Variants in DLEC1 observed in about 807,000 individuals in gnomAD.
The protein encoded by DLEC1 is DLEC1 cilia and flagella associated protein, also known as deleted in lung and esophageal cancer protein 1.
DLEC1 carries 146 observed loss-of-function variants against 198.1 expected under a neutral mutation model. The observed-to-expected ratio is 0.74, with a 90% confidence interval of 0.64 to 0.85. The LOEUF is 0.85. Among genes scored for constraint, DLEC1 ranks in the 40% least tolerant of loss-of-function variants. The pLI is 0.00. For synonymous variants in DLEC1, 897 were observed against 866.8 expected (o/e 1.03, Z -0.61); for missense variants, 2,233 against 2,220.0 (o/e 1.01, Z -0.12).
Position 38,096,748 on chromosome 3 carries a change from G to A in DLEC1, c.2340+11G>A. On this transcript the variant is annotated intron_variant, in intron 15 of 36. Coordinates refer to ENST00000308059, the MANE Select transcript of DLEC1 (RefSeq NM_007335.4). ...AAGAAGGCTTTTAAGGTAGGTCATT[G>A]TCTCTCCCCTGCCTAGGCTGGCCGA... 6.3e-7 allele frequency: 1 copy of A among 1,598,996 alleles called. No individual in the cohort carries two copies. Among genetic ancestry groups the A allele is most frequent in the Non-Finnish European group, 8.5e-7 (1 of 1,172,338 alleles).
chr3:38,082,417 C>G (rs564737872), intron 6 of DLEC1, among the ~76,000 whole-genome samples: 1 of 151,744 alleles, frequency 6.6e-6, no homozygotes. Context: ...AGGCTGCAAT[C>G]TCGGCACTTT....
At chr3:38,095,607 G>A (rs755879789) in intron 13 of DLEC1, 28 of 448,582 alleles carry the variant, frequency 6.2e-5, no homozygotes, top group Non-Finnish European at 1.1e-4. Flanking sequence ...AGGGTGTGGT[G>A]CTTCGGACAC....
chr3:38,089,874 C>T (rs1445941997), intron 10 of DLEC1, among the ~76,000 whole-genome samples: 1 of 152,108 alleles, frequency 6.6e-6, no homozygotes, highest in Non-Finnish European at 1.5e-5. Flanking sequence ...AATACATTTG[C>T]ATGATTAAAA....
chr3:38,112,184 C>T lies in DLEC1; in HGVS notation c.3515-26C>T, dbSNP rs764492798. On this transcript the variant is annotated intron_variant, in intron 24 of 36. Transcript: ENST00000308059. The surrounding 1 kb of genome is among the most constrained non-coding windows in gnomAD (Gnocchi z 4.8). ...CACTCCCAACCCCAGGCCCGTGAAT[C>T]CCCCACAGTCGCGGTTCTTTCCCAG... The T allele has an allele frequency of 8.1e-6, 13 of 1,613,640 alleles. No individual in the cohort carries two copies. The South Asian group carries it at 1.2e-4, about 15-fold the overall frequency.
At chr3:38,039,823 AATACCACAC>A (rs1163217747) in intron 1 of DLEC1, among the ~76,000 whole-genome samples, 187 bp downstream of exon 1, 1 of 152,206 alleles carries the variant, frequency 6.6e-6, no homozygotes, top group African/African-American at 2.4e-5. Context: ...CACATGCGCA[AATACCACAC>A]ATACCACACA....
chr3:38,117,631 C>G lies in DLEC1; in HGVS notation c.4485+20C>G, dbSNP rs370931756. The G allele has an allele frequency of 4.1e-5, 66 of 1,614,022 alleles. No homozygotes were observed. The African/African-American group carries it at 7.9e-4, about 19-fold the overall frequency. ...TCTGGGGTGAGTGTGCTGCCACCCTCTGGCCCTGCCAGCTTACCTGGACCT... is the reference window on the plus strand; with the variant it reads ...TCTGGGGTGAGTGTGCTGCCACCCTGTGGCCCTGCCAGCTTACCTGGACCT... On this transcript the variant is annotated intron_variant, in intron 32 of 36. Coordinates refer to ENST00000308059, the MANE Select transcript of DLEC1 (RefSeq NM_007335.4).
In DLEC1 at chr3:38,097,881, C is replaced by T. The variant is rs1278255072; in HGVS notation, c.2703C>T (p.Ser901=). The T allele has an allele frequency of 1.9e-6, 3 of 1,614,124 alleles. No individual in the cohort carries two copies. Among genetic ancestry groups the T allele is most frequent in the Non-Finnish European group, 2.5e-6 (3 of 1,180,060 alleles). Residue 901 remains serine, a synonymous_variant, in exon 18 of 37, where the codon TCC becomes TCT. Coordinates refer to ENST00000308059, the MANE Select transcript of DLEC1 (RefSeq NM_007335.4). ...ATWRMKESPV[S]LQERPEDVSP... ...GGCGCATGAAGGAGAGCCCAGTCTC[C>T]CTCCAGGAAAGGCCTGAGGATGTAA...
At chr3:38,099,799 A>G (rs1699213955) in intron 18 of DLEC1, among the ~76,000 whole-genome samples, 1 of 150,976 alleles carries the variant, frequency 6.6e-6, no homozygotes, top group African/African-American at 2.4e-5. Context: ...GGGCGGGTAA[A>G]TGAGGCTGAG....
intron 6 of DLEC1, among the ~76,000 whole-genome samples, chr3:38,082,349 C>T (rs1184807227): frequency 2.8e-5 from 4 of 142,278 alleles, no homozygotes; most frequent in African/African-American, 7.9e-5. Flanking sequence ...ACATCCCAGA[C>T]GATGGGCGGC....
intron 1 of DLEC1, among the ~76,000 whole-genome samples, chr3:38,041,223 C>T (rs567900487): frequency 1.3e-5 from 2 of 151,976 alleles, no homozygotes; most frequent in East Asian, 1.9e-4. Context: ...AGGATGGTCT[C>T]GATCTCCTGA....
chr3:38,043,329 A>G (rs567285430), intron 1 of DLEC1, among the ~76,000 whole-genome samples: 16 of 152,352 alleles, frequency 1.1e-4, no homozygotes, highest in African/African-American at 3.8e-4. Flanking sequence ...ACAACATGGT[A>G]AGCCCTCAGT....
chr3:38,086,254 G>A lies in DLEC1; in HGVS notation c.1449G>A (p.Leu483=), dbSNP rs1698448063. The change falls in exon 9 of 37, where the codon TTG becomes TTA. Residue 483 remains leucine (L), a synonymous_variant. Transcript: ENST00000308059. ...PPPVLTLSPV[L]DCGYCLIGGV... ...CTGTGGCTACAGTGTCACCGGTGTTGGACTGTGGTTACTGCCTCATTGGGG... is the reference window on the plus strand; with the variant it reads ...CTGTGGCTACAGTGTCACCGGTGTTAGACTGTGGTTACTGCCTCATTGGGG... 1.9e-6 allele frequency: 3 copies of A among 1,612,122 alleles called. No individual in the cohort carries two copies. Among genetic ancestry groups the A allele is most frequent in the Non-Finnish European group, 2.5e-6 (3 of 1,179,010 alleles).
Position 38,062,499 on chromosome 3 carries a change from A to G in DLEC1, c.874-82A>G, listed in dbSNP as rs146192252. On this transcript the variant is annotated intron_variant, in intron 4 of 36. Transcript: ENST00000308059. ...AGAGTAGAGCTTGTGTTGGCCATCT[A>G]TGGGTCATGCAGTTGGTCAAGATGT... 3.8e-5 allele frequency: 60 copies of G among 1,579,772 alleles called. No homozygotes were observed. The African/African-American group carries it at 4.4e-4, about 12-fold the overall frequency.
At chr3:38,086,458 A>G in intron 9 of DLEC1, 81 bp downstream of exon 9, 2 of 1,508,970 alleles carry the variant, frequency 1.3e-6, no homozygotes, top group South Asian at 2.7e-5. Context: ...ACTAGAGTAT[A>G]CCTATGATTG....
intron 7 of DLEC1, 51 bp from the exon 8 acceptor site, chr3:38,085,223 T>G (rs753463334): frequency 1.2e-6 from 2 of 1,606,078 alleles, no homozygotes; most frequent in East Asian, 2.2e-5. Flanking sequence ...GCTCAAGCCC[T>G]GGTGGCTGGC....
chr3:38,120,548 G>A lies in DLEC1; in HGVS notation c.4805G>A (p.Gly1602Glu), dbSNP rs1700395621. 6.2e-7 allele frequency: 1 copy of A among 1,612,822 alleles called. No individual in the cohort carries two copies. The highest frequency in any genetic ancestry group is 8.5e-7 in the Non-Finnish European group (1 of 1,179,268). The change falls in exon 34 of 37, where the codon GGA (glycine) becomes GAA (glutamate). Residue 1602 changes from glycine (G) to glutamate (E), a missense_variant. Physicochemically the swap from Gly to Glu is moderately conservative, Grantham distance 98. Coordinates refer to ENST00000308059, the MANE Select transcript of DLEC1 (RefSeq NM_007335.4). Reference sequence around the variant, plus strand: ...GTGGACATTCAGCAGAGTGCGAGTGGAGAGAGAGAGATGGTGTTTACTCAG... The same window carrying A: ...GTGGACATTCAGCAGAGTGCGAGTGAAGAGAGAGAGATGGTGTTTACTCAG... ...PGVDIQQSAS[G>E]EREMVFTQNL...
intron 9 of DLEC1, among the ~76,000 whole-genome samples, chr3:38,086,663 T>C (rs780267018): frequency 3.9e-5 from 6 of 152,250 alleles, no homozygotes; most frequent in Non-Finnish European, 8.8e-5. Flanking sequence ...ATTCAGTCCT[T>C]CTTTATTGTA....
chr3:38,094,995 T>C lies in DLEC1; in HGVS notation c.2036T>C (p.Phe679Ser). 6.2e-7 allele frequency: 1 copy of C among 1,614,156 alleles called. No individual in the cohort carries two copies. The highest frequency in any genetic ancestry group is 8.5e-7 in the Non-Finnish European group (1 of 1,180,018). Residue 679 changes from phenylalanine to serine, a missense_variant, in exon 13 of 37, where the codon TTC (phenylalanine) becomes TCC (serine). Phe to Ser is a radical substitution (Grantham distance 155). Transcript: ENST00000308059. Reference sequence around the variant, plus strand: ...TGCTACCCCGACAAGGAGACTGCCTTCTCCATCATGCCCAGAAAGGGGGTT... The same window carrying C: ...TGCTACCCCGACAAGGAGACTGCCTCCTCCATCATGCCCAGAAAGGGGGTT... Reference protein sequence around the residue: ...IKCYPDKETAFSIMPRKGVLS... With the variant: ...IKCYPDKETASSIMPRKGVLS...
chr3:38,104,396 G>A lies in DLEC1; in HGVS notation c.2865-3188G>A, dbSNP rs564772796. 3.4e-4 allele frequency among the ~76,000 whole-genome samples: 52 copies of A among 152,318 alleles called. 1 individual carries two copies. In the South Asian group the frequency reaches 0.01, roughly 30 times the overall value. ...AGCTTGAACGTGGGAGGCAGAGGCT[G>A]CAGTGAGCCGAGATTGTGCCACTGC... On this transcript the variant is annotated intron_variant, in intron 19 of 36. Coordinates refer to ENST00000308059, the MANE Select transcript of DLEC1 (RefSeq NM_007335.4).
Sources: gnomAD v4.1 joint callset for allele counts (sites outside exome capture counted in the v4.1 genomes callset) on GRCh38, gnomAD v4.1.1 for gene constraint, Gnocchi (gnomAD v3.1) non-coding constraint, MANE v1.5 for transcripts, NCBI Gene and HGNC (gene_info 2026-07-23, HGNC 2026-07-21) for gene names.